Variants in TRIM50 observed in about 807,000 individuals in gnomAD.
TRIM50 encodes tripartite motif containing 50.
TRIM50 carries 34 observed loss-of-function variants against 44.9 expected under a neutral mutation model. The ratio of observed to expected loss-of-function variants is 0.76; its 90% CI spans 0.58 to 1.01. The LOEUF (loss-of-function observed/expected upper bound fraction) is 1.01, where lower values mean the gene tolerates loss of function less well. Ranked by LOEUF, TRIM50 falls within the 50% of genes least tolerant of loss-of-function variation. The pLI is 0.00. For synonymous variants in TRIM50, 307 were observed against 291.1 expected (o/e 1.05, Z -0.56); for missense variants, 633 against 663.7 (o/e 0.95, Z 0.51).
At chr7:73,322,896 C>T (rs1337780040) in intron 2 of TRIM50, among the ~76,000 whole-genome samples, 5 of 152,330 alleles carry the variant, frequency 3.3e-5, no homozygotes, top group Admixed American at 3.3e-4. Context: ...CTCGACCCGA[C>T]TGCACATATC....
At chr7:73,315,591 G>A (rs1490672437) in intron 6 of TRIM50, among the ~76,000 whole-genome samples, 1 of 152,144 alleles carries the variant, frequency 6.6e-6, no homozygotes, top group Non-Finnish European at 1.5e-5. Context: ...CTGGCCTCAA[G>A]CAGTCCTCCC....
In TRIM50 at chr7:73,313,564, G is replaced by T. The variant is rs1166243926; in HGVS notation, c.875-54C>A. The T allele has an allele frequency of 7.1e-7, 1 of 1,404,332 alleles. No individual in the cohort carries two copies. Among genetic ancestry groups the T allele is most frequent in the South Asian group, 1.5e-5 (1 of 68,142 alleles). The allele number at this position is 1,404,332 out of a possible 1,614,324, so 87.0% of individuals were successfully genotyped here. On this transcript the variant is annotated intron_variant, in intron 6 of 6. Transcript: ENST00000333149. The surrounding 1 kb of genome is among the most constrained non-coding windows in gnomAD (Gnocchi z 4.9). ...AGGCCACGTGGAGGGCAGCAGACCC[G>T]GCCCACAGAAGCTGATGGAGGCCCT...
At chr7:73,326,476 AT>A (rs1188798400) in intron 1 of TRIM50, among the ~76,000 whole-genome samples, 6 of 151,536 alleles carry the variant, frequency 4.0e-5, no homozygotes, top group Non-Finnish European at 7.4e-5. Context: ...GGTATAACAT[AT>A]ACAAGTGTGC....
chr7:73,314,881 G>T, intron 6 of TRIM50: 1 of 199,322 alleles, frequency 5.0e-6, no homozygotes, highest in East Asian at 1.5e-4. Flanking sequence ...CTCAGCTGGT[G>T]GTGACTCCAC....
At chr7:73,327,380 G>A (rs1804661277) in intron 1 of TRIM50, among the ~76,000 whole-genome samples, 1 of 152,110 alleles carries the variant, frequency 6.6e-6, no homozygotes, top group Non-Finnish European at 1.5e-5. Context: ...CCAGCTACTC[G>A]GGAGGCTGAG....
At position 73,313,605 on chromosome 7, in the gene TRIM50, AG is replaced by A. The variant is rs1804288888; in HGVS notation, c.875-96del. 4 of 1,083,432 alleles carry A rather than the reference AG, an allele frequency of 3.7e-6. No homozygotes were observed. The East Asian group carries it at 1.0e-4, about 28-fold the overall frequency. 67.1% of individuals were successfully genotyped at this position (1,083,432 alleles called of 1,614,324 possible). On this transcript the variant is annotated intron_variant, in intron 6 of 6. Coordinates refer to ENST00000333149, the MANE Select transcript of TRIM50 (RefSeq NM_178125.3). This position sits in a 1 kb window ranked among gnomAD's most constrained non-coding sequence, Gnocchi z 4.9. ...TGGAGGCCCTGAACTCCCCAAGGAG[AG>A]GGGCTGTGTCTTCCTCATCTCTCTA... is the stretch of plus-strand genomic sequence containing the variant.
At chr7:73,319,684 T>C (rs1554544780) in intron 3 of TRIM50, among the ~76,000 whole-genome samples, 1 of 152,166 alleles carries the variant, frequency 6.6e-6, no homozygotes, top group African/African-American at 2.4e-5. Flanking sequence ...CTGTTTCTGT[T>C]TCACAGCCAC....
rs574707340 is a variant in TRIM50, at chr7:73,325,485, G to A, written c.-18-680C>T. ...AATACCTGGCTTCTCACAATCCGCT[G>A]GGCCTCCCACTACAGCCTCAAGCCA... On this transcript the variant is annotated intron_variant, in intron 1 of 6. Coordinates refer to ENST00000333149, the MANE Select transcript of TRIM50 (RefSeq NM_178125.3). The A allele has an allele frequency of 5.8e-5, 9 of 154,874 alleles. No homozygotes were observed. The East Asian group carries it at 1.7e-3, about 30-fold the overall frequency. 9.6% of individuals were successfully genotyped at this position (154,874 alleles called of 1,614,324 possible). A position where few individuals can be genotyped will look rare whatever the true frequency, so the allele number is the denominator to read the frequency against.
In TRIM50 at chr7:73,319,001, G is replaced by A; in HGVS notation, c.547C>T (p.His183Tyr). ...GCCTTCTCCTCATCCACCAGGTGGT[G>A]CAGCTCCTGGAACTCGCGGCGGATC... is the stretch of plus-strand genomic sequence containing the variant. ...WVIRREFQEL[H>Y]HLVDEEKARC... is the part of the protein sequence containing the mutation. The change falls in exon 4 of 7, where the codon CAC (histidine) becomes TAC (tyrosine). Residue 183 changes from histidine to tyrosine, a missense_variant. Coordinates refer to ENST00000333149, the MANE Select transcript of TRIM50 (RefSeq NM_178125.3). 6.2e-7 allele frequency: 1 copy of A among 1,614,030 alleles called. No homozygotes were observed. The highest frequency in any genetic ancestry group is 1.3e-5 in the African/African-American group (1 of 75,064).
intron 2 of TRIM50, among the ~76,000 whole-genome samples, chr7:73,320,684 T>C (rs1207345269): frequency 1.0e-4 from 15 of 147,770 alleles, no homozygotes; most frequent in Non-Finnish European, 1.8e-4. Flanking sequence ...GGTGACACAG[T>C]GAGACTCTGT....
intron 6 of TRIM50, 84 bp downstream of exon 6, chr7:73,316,481 C>T: frequency 6.4e-7 from 1 of 1,558,996 alleles, no homozygotes; most frequent in Middle Eastern, 1.7e-4. Flanking sequence ...TTCTCTGTAG[C>T]TTATTATCTC....
In TRIM50 at chr7:73,324,554, C is replaced by T; in HGVS notation, c.234G>A (p.Leu78=). 1 of 1,614,080 alleles carries T rather than the reference C, an allele frequency of 6.2e-7. No homozygotes were observed. ...NVSLARVIEA[L]RLPGDPEPKV... ...TGGGCTCCGGGTCCCCAGGGAGCCT[C>T]AGGGCTTCGATCACCCTGGCCAGGG... The change falls in exon 2 of 7, where the codon CTG becomes CTA. Residue 78 remains leucine, a synonymous_variant. Transcript: ENST00000333149.
intron 2 of TRIM50, among the ~76,000 whole-genome samples, chr7:73,320,587 A>G (rs1183102196): frequency 2.6e-5 from 4 of 152,118 alleles, no homozygotes; most frequent in African/African-American, 9.7e-5. Flanking sequence ...AGTCCCAGCT[A>G]CTTGGGAGGC....
Position 73,316,758 on chromosome 7 carries a change from CTA to C in TRIM50, c.750-71_750-70del, listed in dbSNP as rs1804371352. 3 of 1,576,418 alleles carry C rather than the reference CTA, an allele frequency of 1.9e-6. No homozygotes were observed. The South Asian group carries it at 3.5e-5, about 18-fold the overall frequency. On this transcript the variant is annotated intron_variant, in intron 5 of 6. Coordinates refer to ENST00000333149, the MANE Select transcript of TRIM50 (RefSeq NM_178125.3). ...GGCCCACCCCACCCCTCCATCCTAT[CTA>C]TGTTTGCCCAGCCAGATCCACAGTG...
rs782206583 is a variant in TRIM50, at chr7:73,318,721, G to T, written c.727-12C>A. ...ATGGAGTGGAACTTCTGGAAGGCAA[G>T]AGAGAGGGAGGTTAAGGCTAGAAGG... is the stretch of plus-strand genomic sequence containing the variant. On this transcript the variant is annotated splice_polypyrimidine_tract_variant and intron_variant, in intron 4 of 6. Coordinates refer to ENST00000333149, the MANE Select transcript of TRIM50 (RefSeq NM_178125.3). 5 of 1,613,900 alleles carry T rather than the reference G, an allele frequency of 3.1e-6. No individual in the cohort carries two copies. Among genetic ancestry groups the T allele is most frequent in the African/African-American group, 1.3e-5 (1 of 74,928 alleles).
At chr7:73,323,791 G>A (rs565362133) in intron 2 of TRIM50, among the ~76,000 whole-genome samples, 1 of 152,298 alleles carries the variant, frequency 6.6e-6, no homozygotes, top group South Asian at 2.1e-4. Flanking sequence ...TATAATTCCA[G>A]CACTTTGGGA....
Position 73,312,823 on chromosome 7 carries a change from C to T in TRIM50, c.*98G>A. 1 of 956,506 alleles carries T rather than the reference C, an allele frequency of 1.0e-6. No individual in the cohort carries two copies. The highest frequency in any genetic ancestry group is 1.5e-6 in the Non-Finnish European group (1 of 661,972). 59.3% of individuals were successfully genotyped at this position (956,506 alleles called of 1,614,324 possible). ...ACACAGGCCTGAAGACCTTCCTAAACAGTGACGATATCACCTCAGGCGGGA... is the reference window on the plus strand; with the variant it reads ...ACACAGGCCTGAAGACCTTCCTAAATAGTGACGATATCACCTCAGGCGGGA... On this transcript the variant is annotated 3_prime_UTR_variant, in exon 7 of 7. Transcript: ENST00000333149.
intron 3 of TRIM50, among the ~76,000 whole-genome samples, chr7:73,319,418 C>A (rs139101222): frequency 1.4e-4 from 21 of 152,026 alleles, no homozygotes; most frequent in Non-Finnish European, 2.9e-4. Flanking sequence ...CTCAGCCTCC[C>A]GAGTTGCTGG....
chr7:73,315,462 C>G (rs555978627), intron 6 of TRIM50, among the ~76,000 whole-genome samples: 1 of 151,516 alleles, frequency 6.6e-6, no homozygotes, highest in South Asian at 2.1e-4. Context: ...TGGGCTCAAG[C>G]AATCCTCCTG....
Sources: allele counts gnomAD v4.1 joint callset (sites outside exome capture counted in the v4.1 genomes callset), GRCh38; gene constraint gnomAD v4.1.1; non-coding constraint Gnocchi (gnomAD v3.1); transcripts MANE v1.5; gene names NCBI Gene and HGNC (gene_info 2026-07-23, HGNC 2026-07-21).